Variants in ZNF680 observed in about 807,000 individuals in gnomAD.
The protein encoded by ZNF680 is hypothetical protein FLJ90430.
A neutral mutation model predicts 12.1 loss-of-function variants in ZNF680; 6 were observed. That is an observed-to-expected ratio of 0.49 (90% CI 0.27 to 0.98). The LOEUF (loss-of-function observed/expected upper bound fraction) is 0.98, where lower values mean the gene tolerates loss of function less well. Ranked by LOEUF, ZNF680 falls within the 50% of genes least tolerant of loss-of-function variation. ZNF680 has a pLI of 0.12. For missense variants in ZNF680, 561 were observed against 616.3 expected (o/e 0.91, Z 0.95); for synonymous variants, 170 against 199.3 (o/e 0.85, Z 1.24).
chr7:64,554,553 G>A (rs1461761587), intron 1 of ZNF680, among the ~76,000 whole-genome samples: 2 of 152,240 alleles, frequency 1.3e-5, no homozygotes, highest in African/African-American at 4.8e-5. Flanking sequence ...GAATAGAAAA[G>A]GGGGAAATGT....
At chr7:64,526,860 T>G (rs748841504) in intron 3 of ZNF680, among the ~76,000 whole-genome samples, 1 of 152,244 alleles carries the variant, frequency 6.6e-6, no homozygotes, top group Non-Finnish European at 1.5e-5. Context: ...TTATGTAATC[T>G]CCACTTTTCA....
At chr7:64,511,579 AAAAC>A in the ZNF680 span, among the ~76,000 whole-genome samples, 36 of 151,974 alleles carry the variant, frequency 2.4e-4, no homozygotes, top group East Asian at 3.1e-3. Flanking sequence ...AATCTTCAGT[AAAAC>A]AAACAAACAA....
intron 3 of ZNF680, among the ~76,000 whole-genome samples, chr7:64,523,867 C>G (rs945228133): frequency 6.6e-5 from 10 of 151,110 alleles, no homozygotes; most frequent in Non-Finnish European, 8.8e-5. Context: ...GAGCTGAGAT[C>G]GCGCCACTGC....
chr7:64,560,264 C>T (rs933054206), intron 1 of ZNF680, among the ~76,000 whole-genome samples: 26 of 152,138 alleles, frequency 1.7e-4, no homozygotes, highest in African/African-American at 5.8e-4. Flanking sequence ...CAGGCATGTA[C>T]CACCACGCCC....
intron 3 of ZNF680, among the ~76,000 whole-genome samples, chr7:64,543,258 CAA>C (rs1173170616): frequency 2.0e-5 from 3 of 151,790 alleles, no homozygotes; most frequent in Non-Finnish European, 2.9e-5. Context: ...TTTCGACTAT[CAA>C]AAAAGACTAT....
intron 3 of ZNF680, among the ~76,000 whole-genome samples, chr7:64,537,323 AATTT>A (rs1356875207): frequency 6.6e-6 from 1 of 152,132 alleles, no homozygotes; most frequent in Non-Finnish European, 1.5e-5. Flanking sequence ...CCTGTCTTTA[AATTT>A]AATTTAATTT....
chr7:64,550,331 T>C (rs1252888448), intron 1 of ZNF680, among the ~76,000 whole-genome samples: 1 of 152,230 alleles, frequency 6.6e-6, no homozygotes, highest in Admixed American at 6.5e-5. Flanking sequence ...GATAAATCAA[T>C]AGCTAAAAGA....
At chr7:64,558,417 C>T (rs1787538673) in intron 1 of ZNF680, among the ~76,000 whole-genome samples, 1 of 152,086 alleles carries the variant, frequency 6.6e-6, no homozygotes, top group Admixed American at 6.6e-5. Context: ...GTTATCAGAG[C>T]TAATTTCCTG....
intron 1 of ZNF680, among the ~76,000 whole-genome samples, chr7:64,550,802 T>C (rs992175458): frequency 3.3e-5 from 5 of 152,098 alleles, no homozygotes; most frequent in African/African-American, 9.7e-5. Context: ...TGCAGCACAA[T>C]TGTGAGCTGA....
At chr7:64,507,463 C>T in the ZNF680 span, among the ~76,000 whole-genome samples, 1 of 150,744 alleles carries the variant, frequency 6.6e-6, no homozygotes, top group Admixed American at 6.6e-5. Flanking sequence ...AATGTCTCAC[C>T]ACAAAGGATA....
chr7:64,525,361 C>T (rs1162994616), intron 3 of ZNF680: 2 of 150,736 alleles, frequency 1.3e-5, no homozygotes, highest in Admixed American at 6.6e-5. Context: ...ATCTAAAATA[C>T]AAAATACTTA....
the ZNF680 span, among the ~76,000 whole-genome samples, chr7:64,508,390 T>C: frequency 6.6e-6 from 1 of 152,138 alleles, no homozygotes; most frequent in Admixed American, 6.5e-5. Context: ...ACTACTATTA[T>C]AGCCCCAGAT....
chr7:64,553,895 T>C (rs1436520114), intron 1 of ZNF680, among the ~76,000 whole-genome samples: 3 of 152,190 alleles, frequency 2.0e-5, no homozygotes, highest in African/African-American at 4.8e-5. Flanking sequence ...TGCTCAATGT[T>C]GCCCAGGCTG....
At chr7:64,560,132 G>C (rs896604058) in intron 1 of ZNF680, among the ~76,000 whole-genome samples, 1 of 78,500 alleles carries the variant, frequency 1.3e-5, no homozygotes, top group Non-Finnish European at 2.6e-5. Context: ...TTTTTTTTTT[G>C]AGATGAAGTT....
chr7:64,539,377 A>AAAAAG (rs1786375149), intron 3 of ZNF680, among the ~76,000 whole-genome samples: 1 of 88,922 alleles, frequency 1.1e-5, no homozygotes, highest in Admixed American at 1.1e-4. Context: ...AAAAAAAAAG[A>AAAAAG]AAAGAAAATC....
chr7:64,501,378 A>G, the ZNF680 span: 4 of 1,211,314 alleles, frequency 3.3e-6, no homozygotes, highest in East Asian at 2.4e-5. Flanking sequence ...CCAAGTCTGG[A>G]AAGTTGAAAG....
chr7:64,532,269 C>T (rs1785926315), intron 3 of ZNF680, among the ~76,000 whole-genome samples: 1 of 151,414 alleles, frequency 6.6e-6, no homozygotes, highest in Admixed American at 6.6e-5. Context: ...CGTACCACTG[C>T]ACTCCAGCCT....
intron 3 of ZNF680, chr7:64,524,888 A>G (rs1047493625): frequency 2.6e-5 from 4 of 152,180 alleles, no homozygotes; most frequent in African/African-American, 9.6e-5. Flanking sequence ...AAAATTCACA[A>G]ATACATAGAA....
chr7:64,526,484 A>C, intron 3 of ZNF680: 1 of 1,121,144 alleles, frequency 8.9e-7, no homozygotes, highest in African/African-American at 1.6e-5. Flanking sequence ...TGAGACCAGG[A>C]GTTCAAGATC....
Sources: allele counts gnomAD v4.1 joint callset (sites outside exome capture counted in the v4.1 genomes callset), GRCh38; gene constraint gnomAD v4.1.1; transcripts MANE v1.5; gene names NCBI Gene and HGNC (gene_info 2026-07-23, HGNC 2026-07-21).